The following UNC5CL variants were observed in gnomAD, a reference collection of about 807,000 sequenced individuals.
UNC5CL encodes the protein UNC5C-like protein.
In UNC5CL, 42 loss-of-function variants were observed where a neutral mutation model predicts 54.1. The ratio of observed to expected loss-of-function variants is 0.78; its 90% CI spans 0.61 to 1.00. The LOEUF (loss-of-function observed/expected upper bound fraction) is 1.00, where lower values mean the gene tolerates loss of function less well. Ranked by LOEUF, UNC5CL falls within the 50% of genes least tolerant of loss-of-function variation. The pLI is 0.00. For synonymous variants in UNC5CL, 285 were observed against 285.1 expected (o/e 1.00, Z 0.00); for missense variants, 619 against 675.6 (o/e 0.92, Z 0.93).
chr6:41,035,211 C>T (rs1762510397), intron 1 of UNC5CL, 76 bp from the exon 2 acceptor site: 2 of 1,130,168 alleles, frequency 1.8e-6, no homozygotes, highest in Non-Finnish European at 2.4e-6. Context: ...TTACACATAG[C>T]TGCAAGTTGT....
rs1762503598 is a variant in UNC5CL at position 41,034,906 on chromosome 6, T to TA, written c.168dup (p.Thr57TyrfsTer7). On this transcript the variant is annotated frameshift_variant, in exon 2 of 9. Transcript: ENST00000244565. LOFTEE classifies it high-confidence loss of function. ...GAGACCTCATTTTCTAGTTGGGGGG[T>TA]AGGCTGGGACACTGGTTCCTCTTGA... 3 of 1,613,990 alleles carry TA rather than the reference T, an allele frequency of 1.9e-6. No homozygotes were observed. The highest frequency in any genetic ancestry group is 2.5e-6 in the Non-Finnish European group (3 of 1,180,030).
chr6:41,030,708 CTCT>C lies in UNC5CL; in HGVS notation c.1164_1166del (p.Glu391del). On this transcript the variant is annotated inframe_deletion, in exon 7 of 9. Transcript: ENST00000244565. ...GTGGTGGCGCTGCCCAGGATTCCTC[CTCT>C]GATGCCTGGAATCTGAGGATTTCCA... 1 of 1,614,106 alleles carries C rather than the reference CTCT, an allele frequency of 6.2e-7. No homozygotes were observed. The highest frequency in any genetic ancestry group is 8.5e-7 in the Non-Finnish European group (1 of 1,180,008).
rs751311722 is a variant in UNC5CL, at chr6:41,033,088, G to C, written c.745C>G (p.Leu249Val). The change falls in exon 4 of 9, where the codon CTG becomes GTG. Residue 249 changes from leucine to valine, a missense_variant. Coordinates refer to ENST00000244565, the MANE Select transcript of UNC5CL (RefSeq NM_173561.3). The part of the protein sequence containing the change: ...VGREARKWLQ[L>V]AVFCSPLVPG... ...ACCAGCGGTGAGCAGAATACGGCCA[G>C]CTGCAGCCATTTGCGGGCTTCGCGC... is the stretch of plus-strand genomic sequence containing the variant. 3.1e-6 allele frequency: 5 copies of C among 1,611,376 alleles called. No homozygotes were observed. The highest frequency in any genetic ancestry group is 4.2e-6 in the Non-Finnish European group (5 of 1,179,280).
Position 41,028,911 on chromosome 6 carries a change from T to C in UNC5CL, c.1335-316A>G, listed in dbSNP as rs1561828674. On this transcript the variant is annotated intron_variant, in intron 8 of 8. Coordinates refer to ENST00000244565, the MANE Select transcript of UNC5CL (RefSeq NM_173561.3). The surrounding 1 kb of genome is among the most constrained non-coding windows in gnomAD (Gnocchi z 4.3). ...ACAGTTCTGATGTTCTGTAATTGCC[T>C]TCTCTACCTCCCCCACTCCAAATAC... 6.6e-6 allele frequency among the ~76,000 whole-genome samples: 1 copy of C among 151,636 alleles called. No individual in the cohort carries two copies. Among genetic ancestry groups the C allele is most frequent in the Non-Finnish European group, 1.5e-5 (1 of 67,918 alleles).
Position 41,035,151 on chromosome 6 carries a change from G to A in UNC5CL, c.-61-16C>T. 2 of 1,498,740 alleles carry A rather than the reference G, an allele frequency of 1.3e-6. No individual in the cohort carries two copies. The highest frequency in any genetic ancestry group is 2.3e-5 in the East Asian group (1 of 43,788). 92.8% of individuals were successfully genotyped at this position (1,498,740 alleles called of 1,614,324 possible). On this transcript the variant is annotated splice_polypyrimidine_tract_variant and intron_variant, in intron 1 of 8. Coordinates refer to ENST00000244565, the MANE Select transcript of UNC5CL (RefSeq NM_173561.3). ...AGCCAAAGGCCTGGTGGGGAAGAAGGGGTCAGTGTCAGGGTAAGCCCTTTT... is the reference window on the plus strand; with the variant it reads ...AGCCAAAGGCCTGGTGGGGAAGAAGAGGTCAGTGTCAGGGTAAGCCCTTTT...
Position 41,033,916 on chromosome 6 carries a change from G to C in UNC5CL, c.651C>G (p.Ser217=). The change falls in exon 3 of 9, where the codon TCC becomes TCG. Residue 217 remains serine (S), a synonymous_variant. Coordinates refer to ENST00000244565, the MANE Select transcript of UNC5CL (RefSeq NM_173561.3). ...RPLGRPGAHA[S]RDECRIHLSH... ...AGAGGTGGATGCGACACTCATCCCG[G>C]GAGGCGTGGGCCCCCGGCCGCCCCA... The C allele has an allele frequency of 6.2e-7, 1 of 1,613,844 alleles. No individual in the cohort carries two copies. Among genetic ancestry groups the C allele is most frequent in the East Asian group, 2.2e-5 (1 of 44,876 alleles).
chr6:41,030,733 T>A lies in UNC5CL; in HGVS notation c.1142A>T (p.Glu381Val). ...CTCTGATGCCTGGAATCTGAGGATT[T>A]CCATATACTTGGTCTCCAAGCCCTG... Reference protein sequence around the residue: ...FQDGLETKYMEILRFQASEEE... With the variant: ...FQDGLETKYMVILRFQASEEE... The change falls in exon 7 of 9, where the codon GAA (glutamate) becomes GTA (valine). Residue 381 changes from glutamate to valine, a missense_variant. Coordinates refer to ENST00000244565, the MANE Select transcript of UNC5CL (RefSeq NM_173561.3). The A allele has an allele frequency of 6.2e-7, 1 of 1,613,954 alleles. No individual in the cohort carries two copies. Among genetic ancestry groups the A allele is most frequent in the South Asian group, 1.1e-5 (1 of 91,072 alleles).
rs537246284 is a variant in UNC5CL, at chr6:41,028,055, G to A, written c.*318C>T. The A allele has an allele frequency of 5.4e-6, 2 of 370,372 alleles. No individual in the cohort carries two copies. The highest frequency in any genetic ancestry group is 4.3e-5 in the African/African-American group (2 of 46,558). The allele number at this position is 370,372 out of a possible 1,614,324, so 22.9% of individuals were successfully genotyped here. A position where few individuals can be genotyped will look rare whatever the true frequency, so the allele number is the denominator to read the frequency against. On this transcript the variant is annotated 3_prime_UTR_variant, in exon 9 of 9. Transcript: ENST00000244565. The surrounding 1 kb of genome is among the most constrained non-coding windows in gnomAD (Gnocchi z 4.3). ...TCCTAAGTGCTCAGTGAATACTTTA[G>A]GGCCTGACCGGCCCTAAAGTGCACG...
rs969423387 is a variant in UNC5CL, at chr6:41,028,835, G to A, written c.1335-240C>T. Among the ~76,000 whole-genome samples, 1 of 152,092 alleles carries A rather than the reference G, an allele frequency of 6.6e-6. No individual in the cohort carries two copies. Among genetic ancestry groups the A allele is most frequent in the Non-Finnish European group, 1.5e-5 (1 of 68,014 alleles). ...GACCCCTACTCCTCTCTAGGCTTCA[G>A]TTTCCTCTTATTAAGATGAGGGCTT... On this transcript the variant is annotated intron_variant, in intron 8 of 8. Coordinates refer to ENST00000244565, the MANE Select transcript of UNC5CL (RefSeq NM_173561.3). The surrounding 1 kb of genome is among the most constrained non-coding windows in gnomAD (Gnocchi z 4.3).
chr6:41,033,597 T>G, intron 3 of UNC5CL: 1 of 538,046 alleles, frequency 1.9e-6, no homozygotes, highest in Non-Finnish European at 3.3e-6. Flanking sequence ...CAGAGAGAGA[T>G]GGGAAAGACA....
At chr6:41,036,245 G>A (rs1561831124) in intron 1 of UNC5CL, among the ~76,000 whole-genome samples, 1 of 152,114 alleles carries the variant, frequency 6.6e-6, no homozygotes, top group Admixed American at 6.5e-5. Flanking sequence ...AAAATTATGA[G>A]ATATTTTTAC....
At chr6:41,032,712 G>A (rs1236566003) in intron 4 of UNC5CL, among the ~76,000 whole-genome samples, 172 bp downstream of exon 4, 8 of 152,182 alleles carry the variant, frequency 5.3e-5, no homozygotes, top group Admixed American at 2.0e-4. Flanking sequence ...TGTGAGCCAA[G>A]ATCAAGCCAC....
chr6:41,033,995 G>A lies in UNC5CL; in HGVS notation c.572C>T (p.Ala191Val). 1.2e-6 allele frequency: 2 copies of A among 1,614,178 alleles called. No homozygotes were observed. The highest frequency in any genetic ancestry group is 1.7e-6 in the Non-Finnish European group (2 of 1,180,018). Residue 191 changes from alanine (A) to valine (V), a missense_variant, in exon 3 of 9, where the codon GCT becomes GTT. Ala to Val is a moderately conservative substitution (Grantham distance 64, BLOSUM62 0). Transcript: ENST00000244565. ...FKHCAEQPSHARTYSSNTTLL... is the reference protein window; with the variant it reads ...FKHCAEQPSHVRTYSSNTTLL... ...GGTAGTGTTGCTGCTGTAGGTGCGA[G>A]CATGGCTGGGCTGCTCGGCACAGTG...
At chr6:41,033,258 T>A in intron 3 of UNC5CL, 112 bp from the exon 4 acceptor site, 1 of 1,354,436 alleles carries the variant, frequency 7.4e-7, no homozygotes, top group Non-Finnish European at 9.9e-7. Flanking sequence ...TCAAGGAGGT[T>A]CAGAGAACAC....
chr6:41,031,964 A>T, intron 5 of UNC5CL, 72 bp downstream of exon 5: 1 of 1,488,702 alleles, frequency 6.7e-7, no homozygotes, highest in Middle Eastern at 1.8e-4. Flanking sequence ...CTCCAGGGTT[A>T]CTGGGAGGGA....
At chr6:41,035,606 G>A (rs1251166670) in intron 1 of UNC5CL, among the ~76,000 whole-genome samples, 1 of 152,228 alleles carries the variant, frequency 6.6e-6, no homozygotes, top group Admixed American at 6.5e-5. Flanking sequence ...GTGTGCCCAG[G>A]GTAGCAGCTC....
In UNC5CL at chr6:41,030,739, T is replaced by C. The variant is rs1488815028; in HGVS notation, c.1136A>G (p.Tyr379Cys). 8.7e-6 allele frequency: 14 copies of C among 1,613,916 alleles called. No individual in the cohort carries two copies. Among genetic ancestry groups the C allele is most frequent in the African/African-American group, 2.7e-5 (2 of 74,898 alleles). Residue 379 changes from tyrosine to cysteine, a missense_variant, in exon 7 of 9, where the codon TAT (tyrosine) becomes TGT (cysteine). Physicochemically the swap from Tyr to Cys is radical, Grantham distance 194. Transcript: ENST00000244565. ...HTFQDGLETKYMEILRFQASE... is the reference protein window; with the variant it reads ...HTFQDGLETKCMEILRFQASE... ...TGCCTGGAATCTGAGGATTTCCATA[T>C]ACTTGGTCTCCAAGCCCTGAGTCAA...
chr6:41,034,591 A>T, intron 2 of UNC5CL, 99 bp downstream of exon 2: 1 of 1,403,076 alleles, frequency 7.1e-7, no homozygotes, highest in Non-Finnish European at 9.6e-7. Flanking sequence ...AACAATTATC[A>T]GAAGTAAAAG....
intron 2 of UNC5CL, among the ~76,000 whole-genome samples, chr6:41,034,419 T>G (rs1323048665): frequency 6.6e-6 from 1 of 152,190 alleles, no homozygotes; most frequent in African/African-American, 2.4e-5. Flanking sequence ...GTGTGCCTTG[T>G]GTGAATTTGC....
Sources: allele counts gnomAD v4.1 joint callset (sites outside exome capture counted in the v4.1 genomes callset), GRCh38; gene constraint gnomAD v4.1.1; non-coding constraint Gnocchi (gnomAD v3.1); transcripts MANE v1.5; gene names NCBI Gene and HGNC (gene_info 2026-07-23, HGNC 2026-07-21).